MYO6: variants seen among roughly 807,000 people sequenced by gnomAD.
MYO6 encodes the protein unconventional myosin-VI.
Under a neutral mutation model 178.7 loss-of-function variants are expected in MYO6, and 74 were observed. The ratio of observed to expected loss-of-function variants is 0.41; its 90% CI spans 0.34 to 0.50. The LOEUF (loss-of-function observed/expected upper bound fraction) is 0.50, where lower values mean the gene tolerates loss of function less well. MYO6 is among the 20% of genes least tolerant of loss of function. The pLI is 0.09. For missense variants in MYO6, 1,330 were observed against 1,547.4 expected (o/e 0.86, Z 2.36); for synonymous variants, 477 against 504.6 (o/e 0.95, Z 0.73).
At chr6:75,787,714 CTCTCTCTCTCTCTCTCTATATA>C (rs1449249497) in intron 1 of MYO6, among the ~76,000 whole-genome samples, 123 of 61,468 alleles carry the variant, frequency 2.0e-3, no homozygotes, top group East Asian at 0.013. Context: ...CTCTCTCTCT[CTCTCTCTCTCTCTCTCTATATA>C]TATATATATA....
intron 2 of MYO6, among the ~76,000 whole-genome samples, chr6:75,821,715 C>A (rs1771895419): frequency 1.3e-5 from 2 of 152,022 alleles, no homozygotes; most frequent in Admixed American, 6.6e-5. Context: ...TTCTTTGATA[C>A]AATTAGAAAC....
At chr6:75,881,667 A>T in intron 22 of MYO6, 22 bp from the exon 23 acceptor site, 1 of 1,607,712 alleles carries the variant, frequency 6.2e-7, no homozygotes. Flanking sequence ...TAATACTGAT[A>T]CTAAATTATT....
chr6:75,750,934 T>C (rs1256502588), intron 1 of MYO6, among the ~76,000 whole-genome samples: 1 of 152,142 alleles, frequency 6.6e-6, no homozygotes, highest in Non-Finnish European at 1.5e-5. Flanking sequence ...CCATAAAACG[T>C]GAATCTTGAA....
chr6:75,911,976 T>C (rs1780790456), intron 33 of MYO6, among the ~76,000 whole-genome samples: 3 of 152,166 alleles, frequency 2.0e-5, no homozygotes, highest in South Asian at 4.1e-4. Context: ...TGAGAGTATG[T>C]ACAATTCTTA....
chr6:75,815,550 G>A (rs1771137922), intron 1 of MYO6, among the ~76,000 whole-genome samples: 1 of 152,140 alleles, frequency 6.6e-6, no homozygotes, highest in African/African-American at 2.4e-5. Flanking sequence ...GGTAATATAA[G>A]TCTGAAGTAG....
chr6:75,809,058 A>C (rs1474840163), intron 1 of MYO6, among the ~76,000 whole-genome samples: 8 of 152,266 alleles, frequency 5.3e-5, no homozygotes, highest in Non-Finnish European at 1.5e-5. Flanking sequence ...CGTTTGTCTC[A>C]CATGAGCCTC....
chr6:75,758,560 A>G (rs990739544), intron 1 of MYO6, among the ~76,000 whole-genome samples: 1 of 151,942 alleles, frequency 6.6e-6, no homozygotes, highest in South Asian at 2.1e-4. Context: ...TCCTGGGTTC[A>G]CGCCATTCTC....
intron 1 of MYO6, among the ~76,000 whole-genome samples, chr6:75,768,910 C>T (rs1778676688): frequency 6.6e-6 from 1 of 152,138 alleles, no homozygotes; most frequent in South Asian, 2.1e-4. Flanking sequence ...ATGGTACCAG[C>T]ATCTGCTTCT....
In MYO6 at chr6:75,793,543, G is replaced by T. The variant is rs536718100; in HGVS notation, c.-47-23958G>T. 2.6e-3 allele frequency among the ~76,000 whole-genome samples: 393 copies of T among 152,068 alleles called. 3 individuals are homozygous for T. Among genetic ancestry groups the T allele is most frequent in the African/African-American group, 8.7e-3 (359 of 41,460 alleles). On this transcript the variant is annotated intron_variant, in intron 1 of 34. Transcript: ENST00000369977. Reference sequence around the variant, plus strand: ...TGCTTGAATCCGGGAGGCAGAGGTTGCTGTGAGCCAAGATCGTACCACTAC... The same window carrying T: ...TGCTTGAATCCGGGAGGCAGAGGTTTCTGTGAGCCAAGATCGTACCACTAC...
chr6:75,762,346 A>G (rs1490390325), intron 1 of MYO6, among the ~76,000 whole-genome samples: 1 of 152,128 alleles, frequency 6.6e-6, no homozygotes, highest in Non-Finnish European at 1.5e-5. Flanking sequence ...TATTCTTATT[A>G]TTCTATTTTA....
At chr6:75,846,104 A>G (rs923018864) in intron 10 of MYO6, among the ~76,000 whole-genome samples, 8 of 151,974 alleles carry the variant, frequency 5.3e-5, no homozygotes, top group Admixed American at 3.3e-4. Flanking sequence ...GAATAATTAG[A>G]TATAATTATA....
At chr6:75,887,140 C>T (rs1778498340) in intron 25 of MYO6, 146 bp downstream of exon 25, 3 of 730,010 alleles carry the variant, frequency 4.1e-6, no homozygotes, top group Non-Finnish European at 6.7e-6. Flanking sequence ...ACATGCTCAT[C>T]ATTATTACCT....
At chr6:75,822,012 C>T (rs772832735) in intron 2 of MYO6, among the ~76,000 whole-genome samples, 2 of 151,162 alleles carry the variant, frequency 1.3e-5, no homozygotes, top group Non-Finnish European at 2.9e-5. Context: ...ATATATTTTA[C>T]TGAAACAATA....
rs1781061225 is a variant in MYO6, at chr6:75,915,273, T to G, written c.*261T>G. On this transcript the variant is annotated 3_prime_UTR_variant, in exon 35 of 35. Transcript: ENST00000369977. ...ACTATTACACATGGGCATATTCTGA[T>G]GTTTCTCATCCTTTGCCAGAAGACT... The G allele has an allele frequency of 2.0e-6, 1 of 500,096 alleles. No homozygotes were observed. The allele number at this position is 500,096 out of a possible 1,614,324, so 31.0% of individuals were successfully genotyped here. A position where few individuals can be genotyped will look rare whatever the true frequency, so the allele number is the denominator to read the frequency against.
intron 16 of MYO6, chr6:75,865,382 G>A (rs1445145620): frequency 9.6e-5 from 1 of 10,444 alleles, no homozygotes; most frequent in Non-Finnish European, 2.5e-4. Context: ...TTTTTTTTTT[G>A]AGACAGGGTC....
intron 30 of MYO6, among the ~76,000 whole-genome samples, chr6:75,903,280 T>C (rs1237476953): frequency 6.6e-6 from 1 of 152,090 alleles, no homozygotes; most frequent in African/African-American, 2.4e-5. Flanking sequence ...CTGGGTATCC[T>C]TGTTGACTTT....
intron 1 of MYO6, among the ~76,000 whole-genome samples, chr6:75,764,210 TC>T (rs1439540593): frequency 6.6e-6 from 1 of 152,152 alleles, no homozygotes; most frequent in Non-Finnish European, 1.5e-5. Context: ...ATGCCTGGTC[TC>T]TAAATTCTTA....
At chr6:75,907,938 GAGTAA>G (rs1447806036) in intron 31 of MYO6, among the ~76,000 whole-genome samples, 1 of 152,072 alleles carries the variant, frequency 6.6e-6, no homozygotes, top group Non-Finnish European at 1.5e-5. Context: ...AGAACAATTA[GAGTAA>G]AATACTATAT....
At chr6:75,759,322 C>T (rs1179430704) in intron 1 of MYO6, among the ~76,000 whole-genome samples, 1 of 152,178 alleles carries the variant, frequency 6.6e-6, no homozygotes, top group African/African-American at 2.4e-5. Context: ...TGGTGGTTCA[C>T]ATGAAGAGGC....
Sources: allele counts gnomAD v4.1 joint callset (sites outside exome capture counted in the v4.1 genomes callset), GRCh38; gene constraint gnomAD v4.1.1; transcripts MANE v1.5; gene names NCBI Gene and HGNC (gene_info 2026-07-23, HGNC 2026-07-21).